The following ALDH5A1 variants were observed in gnomAD, a reference collection of about 807,000 sequenced individuals.
The protein encoded by ALDH5A1 is aldehyde dehydrogenase 5 family member A1.
In ALDH5A1, 33 loss-of-function variants were observed where a neutral mutation model predicts 54.7. That is an observed-to-expected ratio of 0.60 (90% CI 0.46 to 0.81). The LOEUF is 0.81. ALDH5A1 is among the 30% of genes least tolerant of loss of function. ALDH5A1 has a pLI of 0.00. For synonymous variants in ALDH5A1, 294 were observed against 292.7 expected (o/e 1.00, Z -0.05); for missense variants, 657 against 711.0 (o/e 0.92, Z 0.86).
intron 4 of ALDH5A1, among the ~76,000 whole-genome samples, chr6:24,505,399 TC>T (rs1759319086): frequency 7.0e-6 from 1 of 141,922 alleles, no homozygotes; most frequent in Non-Finnish European, 1.5e-5. Flanking sequence ...AAGTCCAGAT[TC>T]CTTAGTGGCT....
rs184576292 is a variant in ALDH5A1 at position 24,522,137 on chromosome 6, C to T, written c.1015-630C>T. On this transcript the variant is annotated intron_variant, in intron 6 of 9. Transcript: ENST00000357578. ...CTGGGGTTACAGGCATGAGCCACTG[C>T]GCCCAGCCAAAAAAAATTAAAAATT... Among the ~76,000 whole-genome samples the T allele has an allele frequency of 1.4e-3, 215 of 152,100 alleles. 1 individual carries two copies. Among genetic ancestry groups the T allele is most frequent in the Admixed American group, 0.012 (177 of 15,284 alleles).
chr6:24,500,886 T>C (rs977491737), intron 1 of ALDH5A1, among the ~76,000 whole-genome samples: 4 of 148,640 alleles, frequency 2.7e-5, no homozygotes, highest in African/African-American at 9.7e-5. Flanking sequence ...ACCTTGTCTG[T>C]ACAAAAAAAA....
intron 7 of ALDH5A1, among the ~76,000 whole-genome samples, chr6:24,525,175 C>T (rs1759776489): frequency 6.6e-6 from 1 of 152,008 alleles, no homozygotes; most frequent in East Asian, 1.9e-4. Flanking sequence ...ATTAATATGA[C>T]AAGAAAAGGG....
chr6:24,508,361 C>CAAAAAAAA (rs1214819272), intron 4 of ALDH5A1, among the ~76,000 whole-genome samples: 6 of 13,060 alleles, frequency 4.6e-4, no homozygotes, highest in African/African-American at 1.5e-3. Flanking sequence ...ACTCCATCTC[C>CAAAAAAAA]AAAAAAAAAA....
intron 4 of ALDH5A1, among the ~76,000 whole-genome samples, chr6:24,514,469 T>G (rs1221102124): frequency 6.6e-6 from 1 of 152,156 alleles, no homozygotes; most frequent in Non-Finnish European, 1.5e-5. Context: ...CCAGGCCCGG[T>G]GGCTCACAAC....
rs1379152518 is a variant in ALDH5A1 at position 24,533,494 on chromosome 6, T to C, written c.1403-13T>C. ...CTTCTAAATGCCATATATGTCCTTT[T>C]ATCCTGTGACAGGTTATTTTTACTC... On this transcript the variant is annotated splice_polypyrimidine_tract_variant and intron_variant, in intron 9 of 9. Coordinates refer to ENST00000357578, the MANE Select transcript of ALDH5A1 (RefSeq NM_001080.3). 1.9e-6 allele frequency: 3 copies of C among 1,613,716 alleles called. No individual in the cohort carries two copies. The highest frequency in any genetic ancestry group is 2.2e-5 in the South Asian group (2 of 91,078).
intron 2 of ALDH5A1, 144 bp downstream of exon 2, chr6:24,502,750 AT>A: frequency 1.4e-6 from 1 of 714,812 alleles, no homozygotes; most frequent in South Asian, 1.5e-5. Flanking sequence ...ATACCAAATC[AT>A]TATTGTGCCA....
At chr6:24,501,703 C>G (rs952295063) in intron 1 of ALDH5A1, among the ~76,000 whole-genome samples, 1 of 151,894 alleles carries the variant, frequency 6.6e-6, no homozygotes, top group African/African-American at 2.4e-5. Context: ...AGAACAAAAC[C>G]CTGTCTCTTT....
chr6:24,522,738 G>A (rs929085154), intron 6 of ALDH5A1, 29 bp from the exon 7 acceptor site: 4 of 1,612,856 alleles, frequency 2.5e-6, no homozygotes, highest in Non-Finnish European at 2.5e-6. Flanking sequence ...CTGACAGACT[G>A]TGTGGGTTTG....
At chr6:24,521,729 C>T (rs1039753832) in intron 6 of ALDH5A1, among the ~76,000 whole-genome samples, 1 of 151,978 alleles carries the variant, frequency 6.6e-6, no homozygotes, top group African/African-American at 2.4e-5. Flanking sequence ...TGTAAGGCTA[C>T]AACTTGGGGA....
intron 6 of ALDH5A1, among the ~76,000 whole-genome samples, chr6:24,522,375 A>C (rs376086118): frequency 6.6e-6 from 1 of 151,836 alleles, no homozygotes; most frequent in South Asian, 2.1e-4. Context: ...CTGCAGCATC[A>C]CAGTCTCCTA....
intron 1 of ALDH5A1, among the ~76,000 whole-genome samples, chr6:24,496,700 T>C (rs1404197090): frequency 1.3e-5 from 2 of 152,192 alleles, no homozygotes; most frequent in Non-Finnish European, 2.9e-5. Context: ...GTTGGTTATA[T>C]GAATGAATCT....
At chr6:24,501,875 TTATA>T (rs59853869) in intron 1 of ALDH5A1, among the ~76,000 whole-genome samples, 101,531 of 144,380 alleles carry the variant, frequency 0.7, 37,248 homozygotes, top group Non-Finnish European at 0.83. Flanking sequence ...AACCAATGTT[TTATA>T]TATATATATA....
intron 8 of ALDH5A1, among the ~76,000 whole-genome samples, chr6:24,530,166 C>T (rs1194516120): frequency 6.6e-6 from 1 of 152,012 alleles, no homozygotes; most frequent in East Asian, 1.9e-4. Context: ...ATGCCTTCTG[C>T]GAGTCCCTCC....
At chr6:24,514,735 AAAAAG>A (rs1234479329) in intron 4 of ALDH5A1, among the ~76,000 whole-genome samples, 1 of 152,020 alleles carries the variant, frequency 6.6e-6, no homozygotes, top group Non-Finnish European at 1.5e-5. Context: ...CTTAAAAAAA[AAAAAG>A]AAAGAAAGAA....
chr6:24,517,748 T>C (rs969539162), intron 5 of ALDH5A1, among the ~76,000 whole-genome samples: 1 of 152,196 alleles, frequency 6.6e-6, no homozygotes, highest in Non-Finnish European at 1.5e-5. Flanking sequence ...CAAGTATAGC[T>C]GAAGGGATAA....
Position 24,495,283 on chromosome 6 carries a change from G to C in ALDH5A1, c.287G>C (p.Arg96Pro). 1 of 1,533,006 alleles carries C rather than the reference G, an allele frequency of 6.5e-7. No homozygotes were observed. The highest frequency in any genetic ancestry group is 2.0e-5 in the Admixed American group (1 of 50,968). The allele number at this position is 1,533,006 out of a possible 1,614,324, so 95.0% of individuals were successfully genotyped here. A position where few individuals can be genotyped will look rare whatever the true frequency, so the allele number is the denominator to read the frequency against. Residue 96 changes from arginine to proline, a missense_variant, in exon 1 of 10, where the codon CGA becomes CCA. This residue lies in a region of ALDH5A1 where 232 missense variants were observed against 194.6 expected (regional missense o/e 1.19). Transcript: ENST00000357578. ...ALGMVADCGVREARAAVRAAY... is the reference protein window; with the variant it reads ...ALGMVADCGVPEARAAVRAAY... ...GGCATGGTAGCCGACTGCGGGGTGC[G>C]AGAGGCCCGCGCCGCCGTGCGCGCT... is the stretch of plus-strand genomic sequence containing the variant.
At chr6:24,522,153 A>G (rs1247453178) in intron 6 of ALDH5A1, among the ~76,000 whole-genome samples, 1 of 152,106 alleles carries the variant, frequency 6.6e-6, no homozygotes, top group Non-Finnish European at 1.5e-5. Context: ...GCCAAAAAAA[A>G]TTAAAAATTA....
chr6:24,510,529 G>A (rs1449785714), intron 4 of ALDH5A1, among the ~76,000 whole-genome samples: 1 of 152,164 alleles, frequency 6.6e-6, no homozygotes, highest in East Asian at 1.9e-4. Flanking sequence ...TTTTCCTGTT[G>A]AACGAGGCCT....
Sources: allele counts gnomAD v4.1 joint callset (sites outside exome capture counted in the v4.1 genomes callset), GRCh38; gene constraint gnomAD v4.1.1; regional missense constraint gnomAD v4.1.1; transcripts MANE v1.5; gene names NCBI Gene and HGNC (gene_info 2026-07-23, HGNC 2026-07-21).